CABLES1: variants seen among roughly 807,000 people sequenced by gnomAD.
The protein encoded by CABLES1 is CDK5 and ABL1 enzyme substrate 1.
In CABLES1, 36 loss-of-function variants were observed where a neutral mutation model predicts 57.8. The observed-to-expected ratio is 0.62, with a 90% CI of 0.48 to 0.82. The LOEUF (loss-of-function observed/expected upper bound fraction) is 0.82, where lower values mean the gene tolerates loss of function less well. Ranked by LOEUF, CABLES1 falls within the 40% of genes least tolerant of loss-of-function variation. CABLES1 has a pLI of 0.00. For missense variants in CABLES1, 767 were observed against 836.6 expected (o/e 0.92, Z 1.03); for synonymous variants, 374 against 363.0 (o/e 1.03, Z -0.35).
Position 23,253,808 on chromosome 18 carries a change from T to C in CABLES1, c.1633T>C (p.Phe545Leu). 1 of 1,614,244 alleles carries C rather than the reference T, an allele frequency of 6.2e-7. No homozygotes were observed. The highest frequency in any genetic ancestry group is 8.5e-7 in the Non-Finnish European group (1 of 1,180,042). The change falls in exon 9 of 10, where the codon TTT becomes CTT. Residue 545 changes from phenylalanine to leucine, a missense_variant. By Grantham distance (22) the Phe-to-Leu change is conservative. Coordinates refer to ENST00000256925, the MANE Select transcript of CABLES1 (RefSeq NM_001100619.3). ...CACGGTGGCCATGGCCTTCGTCTAC[T>C]TTGAAAAGCTCGCCCTCAAGGGGAA... ...EPTVAMAFVY[F>L]EKLALKGKLN...
chr18:23,183,497 C>T (rs1474118082), intron 1 of CABLES1, among the ~76,000 whole-genome samples: 3 of 152,172 alleles, frequency 2.0e-5, no homozygotes, highest in African/African-American at 7.2e-5. Flanking sequence ...GTAAAACAGG[C>T]GTGGGTGCTT....
chr18:23,243,780 G>C (rs559069057), intron 7 of CABLES1, among the ~76,000 whole-genome samples: 55 of 151,302 alleles, frequency 3.6e-4, no homozygotes, highest in African/African-American at 1.3e-3. Flanking sequence ...GCTGAGGCAG[G>C]AGAATCGCTT....
intron 1 of CABLES1, among the ~76,000 whole-genome samples, chr18:23,140,988 G>A (rs2046854654): frequency 6.6e-6 from 1 of 152,152 alleles, no homozygotes; most frequent in Non-Finnish European, 1.5e-5. Context: ...GTCTGAATGT[G>A]GGCTTGTGCT....
intron 1 of CABLES1, among the ~76,000 whole-genome samples, chr18:23,183,344 G>A (rs985345826): frequency 2.0e-5 from 3 of 152,148 alleles, no homozygotes; most frequent in East Asian, 1.9e-4. Context: ...CCTGCGTCCC[G>A]GGAGTATACA....
intron 2 of CABLES1, among the ~76,000 whole-genome samples, chr18:23,193,794 C>T (rs1037579378): frequency 7.3e-4 from 111 of 152,164 alleles, no homozygotes; most frequent in African/African-American, 2.5e-3. Flanking sequence ...GCTATATACT[C>T]CAGCAAAATA....
intron 1 of CABLES1, among the ~76,000 whole-genome samples, chr18:23,183,448 A>C (rs1462056092): frequency 6.6e-6 from 1 of 152,220 alleles, no homozygotes; most frequent in Non-Finnish European, 1.5e-5. Flanking sequence ...TCGTGTTGTC[A>C]TGGATTATGA....
chr18:23,252,371 T>C (rs762171677), intron 7 of CABLES1, among the ~76,000 whole-genome samples: 2 of 152,202 alleles, frequency 1.3e-5, no homozygotes, highest in Non-Finnish European at 2.9e-5. Flanking sequence ...GTAAATTGTA[T>C]GTGATGTGTA....
At chr18:23,232,734 ATGCAGCACTTAC>A in intron 4 of CABLES1, among the ~76,000 whole-genome samples, 1 of 152,190 alleles carries the variant, frequency 6.6e-6, no homozygotes, top group Non-Finnish European at 1.5e-5. Flanking sequence ...TGCTGTGGAA[ATGCAGCACTTAC>A]TGGGCACAGA....
intron 1 of CABLES1, among the ~76,000 whole-genome samples, chr18:23,151,260 C>T (rs973747073): frequency 2.0e-5 from 3 of 151,958 alleles, no homozygotes; most frequent in South Asian, 2.1e-4. Flanking sequence ...CCTCATGATC[C>T]GCCTGCCTCG....
intron 1 of CABLES1, among the ~76,000 whole-genome samples, chr18:23,185,060 C>A (rs931287119): frequency 2.0e-5 from 3 of 152,194 alleles, no homozygotes. Flanking sequence ...TGTTCAGCTC[C>A]TGAGGGGAAT....
chr18:23,238,066 GGCGGGGCCGGCACAGCCGAGC>G (rs2047648335), intron 7 of CABLES1, among the ~76,000 whole-genome samples: 1 of 152,258 alleles, frequency 6.6e-6, no homozygotes, highest in Admixed American at 6.5e-5. Flanking sequence ...AGCCGGGCCT[GGCGGGGCCGGCACAGCCGAGC>G]GCTTCCTCCT....
intron 1 of CABLES1, among the ~76,000 whole-genome samples, chr18:23,165,020 A>G (rs1232888105): frequency 6.6e-6 from 1 of 152,012 alleles, no homozygotes; most frequent in African/African-American, 2.4e-5. Context: ...TGATCTGCCC[A>G]CCTCAGCCTC....
At chr18:23,159,384 A>G (rs1260582720) in intron 1 of CABLES1, among the ~76,000 whole-genome samples, 1 of 152,248 alleles carries the variant, frequency 6.6e-6, no homozygotes, top group Non-Finnish European at 1.5e-5. Context: ...TTGTCTTCAT[A>G]TTAAGCTTTG....
intron 1 of CABLES1, among the ~76,000 whole-genome samples, chr18:23,183,148 A>G (rs2047179105): frequency 1.3e-5 from 2 of 152,166 alleles, no homozygotes; most frequent in Non-Finnish European, 2.9e-5. Flanking sequence ...AATAGGTCCA[A>G]TGACCCTTTT....
At chr18:23,153,594 C>T (rs181373433) in intron 1 of CABLES1, among the ~76,000 whole-genome samples, 2 of 151,988 alleles carry the variant, frequency 1.3e-5, no homozygotes, top group East Asian at 2.0e-4. Context: ...AGTAACCAGG[C>T]GTGGTGACAC....
chr18:23,199,382 G>A (rs747439601), intron 3 of CABLES1, among the ~76,000 whole-genome samples: 1 of 151,978 alleles, frequency 6.6e-6, no homozygotes, highest in Non-Finnish European at 1.5e-5. Flanking sequence ...ATTGAAATAG[G>A]TATTCAGACA....
chr18:23,247,848 C>T (rs1294443376), intron 7 of CABLES1, among the ~76,000 whole-genome samples: 3 of 152,248 alleles, frequency 2.0e-5, no homozygotes, highest in African/African-American at 7.2e-5. Context: ...AGAGCCTCGT[C>T]CTCCTGGTGC....
chr18:23,222,715 A>G (rs997035020), intron 4 of CABLES1, among the ~76,000 whole-genome samples: 2 of 152,222 alleles, frequency 1.3e-5, no homozygotes, highest in East Asian at 3.9e-4. Flanking sequence ...TCAGCCTGGC[A>G]CCTCATCCTT....
intron 3 of CABLES1, among the ~76,000 whole-genome samples, chr18:23,199,595 A>T (rs1414612423): frequency 6.6e-6 from 1 of 152,240 alleles, no homozygotes. Context: ...CAGTCACAAA[A>T]GGTCAAATGT....
Sources: allele counts gnomAD v4.1 joint callset (sites outside exome capture counted in the v4.1 genomes callset), GRCh38; gene constraint gnomAD v4.1.1; transcripts MANE v1.5; gene names NCBI Gene and HGNC (gene_info 2026-07-23, HGNC 2026-07-21).